AFDN: variants seen among roughly 807,000 people sequenced by gnomAD.
AFDN encodes afadin, adherens junction formation factor, also known as afadin.
In AFDN, 68 loss-of-function variants were observed where a neutral mutation model predicts 216.6. That is an observed-to-expected ratio of 0.31 (90% CI 0.26 to 0.38). The LOEUF is 0.38. AFDN is among the 10% of genes least tolerant of loss of function. The pLI, the probability that AFDN is intolerant of heterozygous loss-of-function variation, is 1.00. For missense variants in AFDN, 2,136 were observed against 2,342.0 expected, an observed-to-expected ratio of 0.91 and a Z score of 1.82; for synonymous variants, 868 against 853.7, an observed-to-expected ratio of 1.02 and a Z score of -0.29.
chr6:167,964,992 G>T, intron 31 of AFDN: 1 of 1,050,590 alleles, frequency 9.5e-7, no homozygotes, highest in Non-Finnish European at 1.1e-6. Context: ...AAAATGTACA[G>T]TATGTGTCAA....
At chr6:167,907,033 TG>T in intron 12 of AFDN, 137 bp from the exon 13 acceptor site, 1 of 641,318 alleles carries the variant, frequency 1.6e-6, no homozygotes, top group Non-Finnish European at 2.8e-6. Context: ...TCCCCAGCAT[TG>T]CTTTGTTATT....
chr6:167,836,936 TG>T (rs1780508162), intron 1 of AFDN, among the ~76,000 whole-genome samples: 1 of 152,234 alleles, frequency 6.6e-6, no homozygotes, highest in African/African-American at 2.4e-5. Flanking sequence ...GTGTTTTTAC[TG>T]AATTTAATGT....
At chr6:167,887,652 T>TTTGTG (rs958334789) in intron 6 of AFDN, among the ~76,000 whole-genome samples, 9 of 152,080 alleles carry the variant, frequency 5.9e-5, no homozygotes, top group African/African-American at 2.2e-4. Context: ...GAGACAAGGT[T>TTTGTG]TCACTATGTT....
intron 1 of AFDN, among the ~76,000 whole-genome samples, chr6:167,845,140 A>G (rs1359295360): frequency 6.6e-6 from 1 of 152,024 alleles, no homozygotes; most frequent in African/African-American, 2.4e-5. Flanking sequence ...GAGATTACAG[A>G]CACGAGCCAC....
intron 1 of AFDN, among the ~76,000 whole-genome samples, chr6:167,855,006 TTTG>T (rs1386496321): frequency 1.3e-5 from 2 of 151,902 alleles, no homozygotes; most frequent in Non-Finnish European, 2.9e-5. Flanking sequence ...AGCAAAAGGT[TTTG>T]TTAATATTAC....
intron 1 of AFDN, among the ~76,000 whole-genome samples, chr6:167,833,965 C>T (rs1343337339): frequency 1.3e-5 from 2 of 152,094 alleles, no homozygotes; most frequent in Non-Finnish European, 2.9e-5. Flanking sequence ...ATACAGTATA[C>T]CATGATTTTA....
At chr6:167,923,831 G>T in intron 22 of AFDN, among the ~76,000 whole-genome samples, 1 of 151,642 alleles carries the variant, frequency 6.6e-6, no homozygotes, top group Non-Finnish European at 1.5e-5. Context: ...CACCATGTTG[G>T]CCAGCCTGGT....
rs193117004 is a variant in AFDN at position 167,917,261 on chromosome 6, A to G, written c.2709+29A>G. The G allele has an allele frequency of 6.8e-4, 1,005 of 1,473,610 alleles. 5 individuals are homozygous for G. In the African/African-American group the frequency reaches 0.012, roughly 18 times the overall value. The allele number at this position is 1,473,610 out of a possible 1,614,324, so 91.3% of individuals were successfully genotyped here. ...AGTGGATGTTGCCACATTACCACAC[A>G]GTGCGGGACATGTTTGCATGGGGAC... is the stretch of plus-strand genomic sequence containing the variant. On this transcript the variant is annotated intron_variant, in intron 20 of 33. Coordinates refer to ENST00000683244, the MANE Select transcript of AFDN (RefSeq NM_001386888.1).
chr6:167,948,951 CAGG>C (rs1419043391), intron 29 of AFDN, among the ~76,000 whole-genome samples: 1 of 152,150 alleles, frequency 6.6e-6, no homozygotes, highest in Non-Finnish European at 1.5e-5. Flanking sequence ...AAGGGCCTTC[CAGG>C]AGGAGGGAAA....
At chr6:167,910,391 AATAG>A (rs1790236840) in intron 13 of AFDN, among the ~76,000 whole-genome samples, 2 of 152,256 alleles carry the variant, frequency 1.3e-5, no homozygotes, top group Admixed American at 1.3e-4. Context: ...AATACCTGGA[AATAG>A]ATAAACATCA....
intron 5 of AFDN, among the ~76,000 whole-genome samples, chr6:167,876,046 C>A (rs1447173844): frequency 6.6e-6 from 1 of 152,136 alleles, no homozygotes; most frequent in African/African-American, 2.4e-5. Context: ...TCAGATGATT[C>A]TTCTGTTTGA....
At chr6:167,861,113 CCCTT>C (rs2128218727) in intron 1 of AFDN, among the ~76,000 whole-genome samples, 1 of 152,208 alleles carries the variant, frequency 6.6e-6, no homozygotes, top group Non-Finnish European at 1.5e-5. Flanking sequence ...CCTCTCCCCT[CCCTT>C]CATACCCAGT....
chr6:167,848,683 C>A (rs776773266), intron 1 of AFDN, among the ~76,000 whole-genome samples: 13 of 152,164 alleles, frequency 8.5e-5, no homozygotes, highest in Non-Finnish European at 8.8e-5. Context: ...ATATTCCAAA[C>A]TTCAGTCTTC....
intron 1 of AFDN, among the ~76,000 whole-genome samples, chr6:167,856,655 C>G (rs1005518244): frequency 6.6e-6 from 1 of 152,062 alleles, no homozygotes. Flanking sequence ...CTGCACTGTG[C>G]TAGGTGCTTT....
chr6:167,866,191 T>C (rs1462051660), intron 2 of AFDN, among the ~76,000 whole-genome samples: 1 of 151,982 alleles, frequency 6.6e-6, no homozygotes, highest in African/African-American at 2.4e-5. Context: ...ATATGTAAGA[T>C]TGGAGTTTGA....
chr6:167,850,142 C>G (rs1782138810), intron 1 of AFDN, among the ~76,000 whole-genome samples: 1 of 152,150 alleles, frequency 6.6e-6, no homozygotes, highest in Non-Finnish European at 1.5e-5. Context: ...TGAACCAGAA[C>G]AACACATTGT....
chr6:167,889,075 G>C, intron 6 of AFDN, 140 bp from the exon 7 acceptor site: 1 of 564,184 alleles, frequency 1.8e-6, no homozygotes, highest in Non-Finnish European at 3.1e-6. Context: ...TGATTATTTT[G>C]ATGATGAGTG....
chr6:167,896,252 T>G (rs1453625386), intron 9 of AFDN, among the ~76,000 whole-genome samples: 1 of 149,688 alleles, frequency 6.7e-6, no homozygotes, highest in Non-Finnish European at 1.5e-5. Flanking sequence ...AAAAACCCAG[T>G]CTTCCTTTTA....
At chr6:167,924,162 T>A (rs1792192570) in intron 22 of AFDN, among the ~76,000 whole-genome samples, 3 of 152,212 alleles carry the variant, frequency 2.0e-5, no homozygotes, top group Non-Finnish European at 2.9e-5. Context: ...TCTTACAAGC[T>A]TTAGTTATTA....
Sources: allele counts gnomAD v4.1 joint callset (sites outside exome capture counted in the v4.1 genomes callset), GRCh38; gene constraint gnomAD v4.1.1; transcripts MANE v1.5; gene names NCBI Gene and HGNC (gene_info 2026-07-23, HGNC 2026-07-21).